The following LARGE1 variants were observed in gnomAD, a reference collection of about 807,000 sequenced individuals.
LARGE1 encodes the protein xylosyl- and glucuronyltransferase LARGE1.
LARGE1 carries 43 observed loss-of-function variants against 87.6 expected under a neutral mutation model. The ratio of observed to expected loss-of-function variants is 0.49; its 90% CI spans 0.38 to 0.63. LARGE1 has a LOEUF of 0.63. Among genes scored for constraint, LARGE1 ranks in the 30% least tolerant of loss-of-function variants. The probability of loss-of-function intolerance (pLI) is 0.00; values close to 1 mark genes in which losing one functional copy is unlikely to be tolerated. For synonymous variants in LARGE1, 434 were observed against 394.6 expected (o/e 1.10, Z -1.18); for missense variants, 802 against 1,000.2 (o/e 0.80, Z 2.67).
At chr22:33,149,404 G>C in the LARGE1 span, among the ~76,000 whole-genome samples, 1 of 151,996 alleles carries the variant, frequency 6.6e-6, no homozygotes, top group Admixed American at 6.6e-5. Flanking sequence ...CCACCATATT[G>C]GTCTTTTTTC....
chr22:33,304,090 C>T (rs1934535818), intron 12 of LARGE1, 139 bp downstream of exon 12: 3 of 940,074 alleles, frequency 3.2e-6, no homozygotes, highest in Non-Finnish European at 4.8e-6. Flanking sequence ...CAGGTCCCTT[C>T]CCCTTTCTGG....
At chr22:33,843,440 A>AAAAAT (rs71320994) in intron 1 of LARGE1, among the ~76,000 whole-genome samples, 1 of 146,536 alleles carries the variant, frequency 6.8e-6, no homozygotes, top group Admixed American at 6.8e-5. Flanking sequence ...CCCTCTCAAA[A>AAAAAT]AAATAAATAA....
intron 6 of LARGE1, among the ~76,000 whole-genome samples, chr22:33,449,083 C>T (rs990503413): frequency 6.6e-6 from 1 of 152,292 alleles, no homozygotes; most frequent in Middle Eastern, 3.4e-3. Context: ...TGTATTAATA[C>T]TGCCTTCCTT....
chr22:33,300,739 ACCATGTTGG>A (rs1341789916), intron 12 of LARGE1, among the ~76,000 whole-genome samples: 1 of 152,028 alleles, frequency 6.6e-6, no homozygotes, highest in Non-Finnish European at 1.5e-5. Context: ...ATGGGGTTTC[ACCATGTTGG>A]CCAGGATGGT....
chr22:33,193,794 G>A (rs1923916271), intron 11 of LARGE1, among the ~76,000 whole-genome samples: 1 of 151,338 alleles, frequency 6.6e-6, no homozygotes, highest in African/African-American at 2.4e-5. Flanking sequence ...CTCCAGCCTG[G>A]GTGACAGAGT....
chr22:33,414,463 G>A (rs1208594976), intron 7 of LARGE1, among the ~76,000 whole-genome samples: 1 of 152,166 alleles, frequency 6.6e-6, no homozygotes, highest in African/African-American at 2.4e-5. Flanking sequence ...GAGGGCTGCA[G>A]ATACAATGAG....
At chr22:33,190,146 A>ATT (rs397948176) in intron 11 of LARGE1, among the ~76,000 whole-genome samples, 8 of 147,300 alleles carry the variant, frequency 5.4e-5, no homozygotes, top group Non-Finnish European at 7.5e-5. Flanking sequence ...TAAACAAAAC[A>ATT]TTTTTTTTTT....
At chr22:33,670,275 T>C (rs1176462993) in intron 2 of LARGE1, among the ~76,000 whole-genome samples, 2 of 151,792 alleles carry the variant, frequency 1.3e-5, no homozygotes, top group African/African-American at 4.8e-5. Flanking sequence ...AAAATCACAC[T>C]GCAAAGAGAA....
chr22:33,127,757 T>C, the LARGE1 span, among the ~76,000 whole-genome samples: 1 of 151,956 alleles, frequency 6.6e-6, no homozygotes, highest in Admixed American at 6.5e-5. Context: ...CTTGAATACA[T>C]AGCAAAAATG....
intron 11 of LARGE1, among the ~76,000 whole-genome samples, chr22:33,195,705 CT>C (rs1384809398): frequency 6.6e-6 from 1 of 151,152 alleles, no homozygotes. Context: ...ACACTCTACA[CT>C]TCTATTAAAA....
chr22:33,128,450 G>A, the LARGE1 span, among the ~76,000 whole-genome samples: 61 of 152,198 alleles, frequency 4.0e-4, no homozygotes, highest in Non-Finnish European at 4.4e-4. Flanking sequence ...CGAGGCAGGC[G>A]GATCACCTGA....
chr22:33,453,029 C>T (rs190473575), intron 6 of LARGE1, among the ~76,000 whole-genome samples: 2 of 152,286 alleles, frequency 1.3e-5, no homozygotes, highest in East Asian at 3.9e-4. Context: ...GCCTGCCCTC[C>T]AGCTTTCCCA....
intron 1 of LARGE1, among the ~76,000 whole-genome samples, chr22:33,863,192 G>A (rs1026679199): frequency 2.0e-5 from 3 of 152,152 alleles, no homozygotes; most frequent in Non-Finnish European, 4.4e-5. Flanking sequence ...TATCTCGGGC[G>A]TGCCACCTCT....
Position 33,323,687 on chromosome 22 carries a change from A to T in LARGE1, c.1288-7439T>A, listed in dbSNP as rs539257667. On this transcript the variant is annotated intron_variant, in intron 10 of 14. Coordinates refer to ENST00000397394, the MANE Select transcript of LARGE1 (RefSeq NM_133642.5). ...GGAACACATTATAATGTTAACAAAGATTTTCTGAGTGGTGGATTCACAGAT... is the reference window on the plus strand; with the variant it reads ...GGAACACATTATAATGTTAACAAAGTTTTTCTGAGTGGTGGATTCACAGAT... Among the ~76,000 whole-genome samples, 20 of 152,240 alleles carry T rather than the reference A, an allele frequency of 1.3e-4. No individual in the cohort carries two copies. In the East Asian group the frequency reaches 2.5e-3, roughly 19 times the overall value.
intron 11 of LARGE1, among the ~76,000 whole-genome samples, chr22:33,258,933 A>T (rs1279687725): frequency 6.6e-6 from 1 of 150,772 alleles, no homozygotes; most frequent in Non-Finnish European, 1.5e-5. Flanking sequence ...GCTGGAGTAC[A>T]GTGGCACGAT....
intron 1 of LARGE1, among the ~76,000 whole-genome samples, chr22:33,822,497 G>A (rs1028315468): frequency 6.6e-6 from 1 of 152,044 alleles, no homozygotes; most frequent in Non-Finnish European, 1.5e-5. Context: ...TCAGGAGTTC[G>A]AGACCAGCCT....
chr22:33,074,101 G>C, the LARGE1 span, among the ~76,000 whole-genome samples: 3,311 of 152,186 alleles, frequency 0.022, 117 homozygotes, highest in African/African-American at 0.075. Flanking sequence ...GCGTGACTGG[G>C]TGAATCAGCT....
At chr22:33,858,958 G>A (rs1028727966) in intron 1 of LARGE1, among the ~76,000 whole-genome samples, 12 of 150,990 alleles carry the variant, frequency 7.9e-5, no homozygotes, top group African/African-American at 2.9e-4. Flanking sequence ...ACCAAACACC[G>A]CATCTTCTCA....
intron 4 of LARGE1, among the ~76,000 whole-genome samples, chr22:33,604,937 T>C (rs1258303612): frequency 2.0e-5 from 3 of 151,808 alleles, no homozygotes; most frequent in African/African-American, 7.3e-5. Context: ...AACACAACAA[T>C]GTAGTGTAAG....
Sources: allele counts gnomAD v4.1 joint callset (sites outside exome capture counted in the v4.1 genomes callset), GRCh38; gene constraint gnomAD v4.1.1; transcripts MANE v1.5; gene names NCBI Gene and HGNC (gene_info 2026-07-23, HGNC 2026-07-21).